Variants in MAP2 observed in about 807,000 individuals in gnomAD.
MAP2 encodes the protein microtubule associated protein 2.
In MAP2, 14 loss-of-function variants were observed where a neutral mutation model predicts 137.6. The ratio of observed to expected loss-of-function variants is 0.10; its 90% CI spans 0.07 to 0.16. MAP2 has a LOEUF of 0.16. Among genes scored for constraint, MAP2 ranks in the 10% least tolerant of loss-of-function variants. The pLI, the probability that MAP2 is intolerant of heterozygous loss-of-function variation, is 1.00. For missense variants in MAP2, 2,088 were observed against 2,191.5 expected (o/e 0.95, Z 0.94); for synonymous variants, 786 against 782.3 (o/e 1.00, Z -0.08).
intron 1 of MAP2, among the ~76,000 whole-genome samples, chr2:209,460,655 T>C (rs1043444786): frequency 3.9e-5 from 6 of 152,044 alleles, no homozygotes; most frequent in Admixed American, 3.9e-4. Context: ...CACTCTCTTT[T>C]TTCATCTTTT....
chr2:209,693,688 A>G lies in MAP2; in HGVS notation c.1518A>G (p.Ala506=), dbSNP rs773991204. The change falls in exon 8 of 16, where the codon GCA becomes GCG. Residue 506 remains alanine, a synonymous_variant. Transcript: ENST00000682079. ...CGTTCCCTGTAAGTTTGGAGCAAGCAGTTACAGATTCAGCCATGACCTCTA... is the reference window on the plus strand; with the variant it reads ...CGTTCCCTGTAAGTTTGGAGCAAGCGGTTACAGATTCAGCCATGACCTCTA... The part of the protein sequence containing the change: ...QDSFPVSLEQ[A]VTDSAMTSKT... 1 of 1,613,722 alleles carries G rather than the reference A, an allele frequency of 6.2e-7. No individual in the cohort carries two copies. The highest frequency in any genetic ancestry group is 8.5e-7 in the Non-Finnish European group (1 of 1,179,946).
chr2:209,589,926 C>A (rs557024600), intron 3 of MAP2, among the ~76,000 whole-genome samples: 2 of 152,154 alleles, frequency 1.3e-5, no homozygotes, highest in African/African-American at 2.4e-5. Context: ...AAAGTTTAAA[C>A]TGGATCTCAG....
intron 2 of MAP2, among the ~76,000 whole-genome samples, chr2:209,576,030 A>G (rs1474047848): frequency 6.6e-6 from 1 of 152,190 alleles, no homozygotes; most frequent in Non-Finnish European, 1.5e-5. Context: ...AGGTAGTCAT[A>G]CACAAATACG....
At chr2:209,618,139 G>T (rs949012400) in intron 3 of MAP2, among the ~76,000 whole-genome samples, 1 of 152,044 alleles carries the variant, frequency 6.6e-6, no homozygotes, top group Non-Finnish European at 1.5e-5. Flanking sequence ...GGGAATCGAA[G>T]AGTTCATGGA....
intron 1 of MAP2, among the ~76,000 whole-genome samples, chr2:209,492,737 T>A (rs1343883119): frequency 6.6e-6 from 1 of 152,138 alleles, no homozygotes; most frequent in Non-Finnish European, 1.5e-5. Context: ...TACAAGGATG[T>A]GAAGGACCTC....
intron 2 of MAP2, among the ~76,000 whole-genome samples, chr2:209,573,298 G>GGTTTTTTTTTTTTTTTTTTTTTTTTTTTT (rs770132978): frequency 1.7e-5 from 2 of 120,072 alleles, no homozygotes; most frequent in African/African-American, 6.6e-5. Context: ...TTCTTTTTCT[G>GGTTTTTTTTTTTTTTTTTTTTTTTTTTTT]TTTTTTTTTT....
intron 1 of MAP2, among the ~76,000 whole-genome samples, chr2:209,492,861 G>T (rs1194828136): frequency 3.9e-5 from 6 of 152,064 alleles, no homozygotes; most frequent in Non-Finnish European, 8.8e-5. Context: ...TGGCCATACT[G>T]CCCAATGTAA....
At chr2:209,712,383 A>T (rs1311704713) in intron 13 of MAP2, among the ~76,000 whole-genome samples, 5 of 152,194 alleles carry the variant, frequency 3.3e-5, no homozygotes, top group African/African-American at 1.2e-4. Context: ...TAGCTTCAAA[A>T]TCACAGTGTC....
intron 1 of MAP2, among the ~76,000 whole-genome samples, chr2:209,425,064 G>A (rs545840472): frequency 5.3e-5 from 8 of 152,212 alleles, no homozygotes; most frequent in African/African-American, 1.9e-4. Flanking sequence ...AAGAAAGAGT[G>A]TGTGGGGGGC....
At chr2:209,508,976 A>C (rs2061414163) in intron 2 of MAP2, among the ~76,000 whole-genome samples, 1 of 151,974 alleles carries the variant, frequency 6.6e-6, no homozygotes, top group Non-Finnish European at 1.5e-5. Flanking sequence ...CAAAACCAAA[A>C]TTACAAGTAG....
intron 14 of MAP2, among the ~76,000 whole-genome samples, chr2:209,726,404 G>A (rs1313493336): frequency 6.6e-6 from 1 of 152,080 alleles, no homozygotes; most frequent in East Asian, 1.9e-4. Flanking sequence ...CCTTTAAAGT[G>A]TGAATCTAAC....
intron 2 of MAP2, among the ~76,000 whole-genome samples, chr2:209,508,224 A>G (rs16842990): frequency 0.022 from 3,366 of 151,984 alleles, 44 homozygotes; most frequent in Non-Finnish European, 0.033. Context: ...CCTCACAGCA[A>G]TAAACTTGGG....
intron 5 of MAP2, among the ~76,000 whole-genome samples, chr2:209,662,188 A>G (rs965384529): frequency 1.3e-5 from 2 of 152,198 alleles, no homozygotes; most frequent in African/African-American, 4.8e-5. Context: ...GCAAGGCTCT[A>G]TCTAACACAA....
At chr2:209,575,518 C>CAAAAAAAAAAAAAAAAAA (rs71043942) in intron 2 of MAP2, among the ~76,000 whole-genome samples, 1 of 28,374 alleles carries the variant, frequency 3.5e-5, no homozygotes, top group African/African-American at 8.5e-5. Context: ...GACTCCATCT[C>CAAAAAAAAAAAAAAAAAA]AAAAAAAAAA....
chr2:209,626,169 G>A (rs1437367074), intron 4 of MAP2, among the ~76,000 whole-genome samples: 1 of 152,044 alleles, frequency 6.6e-6, no homozygotes, highest in Non-Finnish European at 1.5e-5. Flanking sequence ...TGTAATCCCA[G>A]CACTTTGAGG....
In MAP2 at chr2:209,664,891, C is replaced by T. The variant is rs1249437072; in HGVS notation, c.262+11459C>T. ...AGGAGAATCGCTTGAACCCAGGAGG[C>T]GGAGGTTGCATGCAGTGAGCTGAGA... On this transcript the variant is annotated intron_variant, in intron 5 of 15. Transcript: ENST00000682079. Among the ~76,000 whole-genome samples the T allele has an allele frequency of 7.6e-5, 10 of 130,836 alleles. No individual in the cohort carries two copies. The South Asian group carries it at 8.0e-4, about 10-fold the overall frequency. The allele number at this position is 130,836 out of a possible 152,430, so 85.8% of individuals were successfully genotyped here.
intron 13 of MAP2, among the ~76,000 whole-genome samples, chr2:209,721,620 T>C (rs1212360578): frequency 2.6e-5 from 4 of 152,212 alleles, no homozygotes; most frequent in Non-Finnish European, 5.9e-5. Context: ...TTGGAAATCA[T>C]AAAAATGATC....
chr2:209,479,471 A>G (rs887034799), intron 1 of MAP2, among the ~76,000 whole-genome samples: 4 of 152,154 alleles, frequency 2.6e-5, no homozygotes, highest in Non-Finnish European at 4.4e-5. Flanking sequence ...TTTTTGATCA[A>G]TTGTCTAGGG....
intron 1 of MAP2, among the ~76,000 whole-genome samples, chr2:209,461,770 G>GT (rs1213808768): frequency 6.6e-6 from 1 of 152,080 alleles, no homozygotes; most frequent in Non-Finnish European, 1.5e-5. Flanking sequence ...TTAATTAATT[G>GT]TTTTTATTGT....
Sources: gnomAD v4.1 joint callset for allele counts (sites outside exome capture counted in the v4.1 genomes callset) on GRCh38, gnomAD v4.1.1 for gene constraint, MANE v1.5 for transcripts, NCBI Gene and HGNC (gene_info 2026-07-23, HGNC 2026-07-21) for gene names.